GPT2: variants seen among roughly 807,000 people sequenced by gnomAD.
GPT2 encodes the protein alanine aminotransferase 2.
In GPT2, 30 loss-of-function variants were observed where a neutral mutation model predicts 56.9. The ratio of observed to expected loss-of-function variants is 0.53; its 90% CI spans 0.39 to 0.72. The LOEUF (loss-of-function observed/expected upper bound fraction) is 0.72, where lower values mean the gene tolerates loss of function less well. Among genes scored for constraint, GPT2 ranks in the 30% least tolerant of loss-of-function variants. The pLI is 0.00. For missense variants in GPT2, 542 were observed against 703.4 expected (o/e 0.77, Z 2.60); for synonymous variants, 271 against 283.1 (o/e 0.96, Z 0.43).
At chr16:46,897,785 C>A (rs1207373969) in intron 3 of GPT2, 48 bp downstream of exon 3, 5 of 1,562,068 alleles carry the variant, frequency 3.2e-6, no homozygotes, top group African/African-American at 1.4e-5. Flanking sequence ...GGGCCCTGGG[C>A]TGGGCGGGCC....
chr16:46,915,593 A>G (rs1961135256), intron 6 of GPT2: 1 of 144,386 alleles, frequency 6.9e-6, no homozygotes, highest in African/African-American at 2.6e-5. Flanking sequence ...CACACACCCC[A>G]CCACACCTAC....
chr16:46,919,789 G>C (rs1961248625), intron 8 of GPT2, among the ~76,000 whole-genome samples: 1 of 152,224 alleles, frequency 6.6e-6, no homozygotes, highest in African/African-American at 2.4e-5. Context: ...CCAGGAGGCT[G>C]TTACAGTCTC....
chr16:46,909,273 G>A (rs1056663212), intron 5 of GPT2, among the ~76,000 whole-genome samples: 1 of 151,870 alleles, frequency 6.6e-6, no homozygotes, highest in Non-Finnish European at 1.5e-5. Flanking sequence ...TACAAGTATT[G>A]AGTCTGTTTA....
intron 2 of GPT2, among the ~76,000 whole-genome samples, chr16:46,892,587 A>G (rs1014273653): frequency 1.3e-5 from 2 of 152,214 alleles, no homozygotes; most frequent in Non-Finnish European, 2.9e-5. Flanking sequence ...ACCCTCACCA[A>G]CACTGATCTT....
rs768495657 is a variant in GPT2, at chr16:46,918,673, A to G, written c.953A>G (p.Lys318Arg). ...SPDCRFHSFK[K>R]VLYEMGPEYS... Reference sequence around the variant, plus strand: ...GATTGCAGATTCCACTCCTTCAAGAAGGTGCTGTACGAGATGGGGCCCGAG... The same window carrying G: ...GATTGCAGATTCCACTCCTTCAAGAGGGTGCTGTACGAGATGGGGCCCGAG... Residue 318 changes from lysine (K) to arginine (R), a missense_variant, in exon 8 of 12, where the codon AAG (lysine) becomes AGG (arginine). Coordinates refer to ENST00000340124, the MANE Select transcript of GPT2 (RefSeq NM_133443.4). 1 of 1,614,188 alleles carries G rather than the reference A, an allele frequency of 6.2e-7. No individual in the cohort carries two copies. Among genetic ancestry groups the G allele is most frequent in the Non-Finnish European group, 8.5e-7 (1 of 1,180,026 alleles).
intron 10 of GPT2, among the ~76,000 whole-genome samples, chr16:46,926,090 C>T (rs2143570974): frequency 6.8e-6 from 1 of 147,778 alleles, no homozygotes; most frequent in African/African-American, 2.5e-5. Flanking sequence ...GAGATCACGC[C>T]ATTGCACTCC....
At chr16:46,895,385 T>A (rs1482474921) in intron 2 of GPT2, among the ~76,000 whole-genome samples, 1 of 151,752 alleles carries the variant, frequency 6.6e-6, no homozygotes, top group South Asian at 2.1e-4. Flanking sequence ...ATTAGCCGGG[T>A]GTGGTGATGC....
chr16:46,916,588 C>CA (rs753531948), intron 6 of GPT2, 40 bp from the exon 7 acceptor site: 5 of 1,462,752 alleles, frequency 3.4e-6, no homozygotes, highest in South Asian at 3.4e-5. Context: ...ATTTAAACAG[C>CA]ATTACAACCG....
At position 46,922,241 on chromosome 16, in the gene GPT2, G is replaced by A; in HGVS notation, c.1038-1G>A. 1 of 1,613,534 alleles carries A rather than the reference G, an allele frequency of 6.2e-7. No homozygotes were observed. Among genetic ancestry groups the A allele is most frequent in the Non-Finnish European group, 8.5e-7 (1 of 1,179,812 alleles). On this transcript the variant is annotated splice_acceptor_variant, in intron 8 of 11. Transcript: ENST00000340124. LOFTEE classifies it high-confidence loss of function. ...TCCTCTCCCTCTCTTTGGCCCTCCA[G>A]GTGTGGTTACAGAGGAGGCTACATG...
At chr16:46,899,191 C>A (rs1960767397) in intron 3 of GPT2, among the ~76,000 whole-genome samples, 2 of 151,534 alleles carry the variant, frequency 1.3e-5, no homozygotes, top group Admixed American at 6.6e-5. Context: ...TGCCACCACA[C>A]CCAGCTAATT....
intron 3 of GPT2, among the ~76,000 whole-genome samples, chr16:46,898,975 C>CATATATATATATAACACAT (rs1960752384): frequency 7.6e-6 from 1 of 132,142 alleles, no homozygotes; most frequent in African/African-American, 3.1e-5. Context: ...TACACACACA[C>CATATATATATATAACACAT]ATATATATAT....
intron 4 of GPT2, among the ~76,000 whole-genome samples, chr16:46,905,976 G>C (rs1051022734): frequency 1.3e-5 from 2 of 152,190 alleles, no homozygotes; most frequent in African/African-American, 4.8e-5. Context: ...CATGGGACTG[G>C]AGGCTGGAGG....
chr16:46,907,068 G>A, intron 5 of GPT2, 93 bp downstream of exon 5: 2 of 1,569,686 alleles, frequency 1.3e-6, no homozygotes, highest in South Asian at 2.3e-5. Context: ...TGGCTAGCAG[G>A]GAGGGTGGCA....
intron 6 of GPT2, among the ~76,000 whole-genome samples, chr16:46,912,841 T>C (rs1393224375): frequency 6.6e-6 from 1 of 152,168 alleles, no homozygotes; most frequent in African/African-American, 2.4e-5. Context: ...GGGATTACAT[T>C]TCAATGTGAG....
intron 2 of GPT2, among the ~76,000 whole-genome samples, chr16:46,888,676 G>T (rs1960529366): frequency 1.3e-5 from 2 of 151,932 alleles, no homozygotes; most frequent in Non-Finnish European, 2.9e-5. Context: ...TAAAGACAGG[G>T]TCTCGCTCTA....
chr16:46,925,966 A>G (rs895314421), intron 10 of GPT2, among the ~76,000 whole-genome samples: 3 of 151,326 alleles, frequency 2.0e-5, no homozygotes, highest in Non-Finnish European at 2.9e-5. Flanking sequence ...CCCCATCTCT[A>G]AAAATATAAA....
At chr16:46,925,559 A>G (rs1961389925) in intron 10 of GPT2, among the ~76,000 whole-genome samples, 2 of 152,130 alleles carry the variant, frequency 1.3e-5, no homozygotes, top group Admixed American at 1.3e-4. Flanking sequence ...GGCTGGGTGC[A>G]GTGGCTCACA....
intron 2 of GPT2, among the ~76,000 whole-genome samples, chr16:46,892,174 A>T (rs1364641581): frequency 1.3e-5 from 2 of 152,182 alleles, no homozygotes; most frequent in Admixed American, 1.3e-4. Flanking sequence ...TATGAGTGAG[A>T]TCATACAGTG....
chr16:46,897,178 C>G (rs1960699566), intron 2 of GPT2, among the ~76,000 whole-genome samples: 2 of 152,174 alleles, frequency 1.3e-5, no homozygotes, highest in South Asian at 4.1e-4. Flanking sequence ...AGTTGGAGAC[C>G]AGCCTGGCCA....
Sources: allele counts gnomAD v4.1 joint callset (sites outside exome capture counted in the v4.1 genomes callset), GRCh38; gene constraint gnomAD v4.1.1; transcripts MANE v1.5; gene names NCBI Gene and HGNC (gene_info 2026-07-23, HGNC 2026-07-21).